The following CDC20B variants were observed in gnomAD, a reference collection of about 807,000 sequenced individuals.
The protein encoded by CDC20B is cell division cycle 20B.
A neutral mutation model predicts 64.1 loss-of-function variants in CDC20B; 58 were observed. The ratio of observed to expected loss-of-function variants is 0.90; its 90% CI spans 0.73 to 1.13. The LOEUF is 1.13. Among genes scored for constraint, CDC20B ranks in the 50% most tolerant of loss-of-function variants. CDC20B has a pLI of 0.00. For synonymous variants in CDC20B, 243 were observed against 230.6 expected (o/e 1.05, Z -0.49); for missense variants, 597 against 633.0 (o/e 0.94, Z 0.61).
intron 2 of CDC20B, chr5:55,167,109 C>G (rs1187653101): frequency 6.6e-6 from 1 of 152,124 alleles, no homozygotes; most frequent in Non-Finnish European, 1.5e-5. Context: ...AGCTGTCGTT[C>G]TTGTGAAAAA....
At chr5:55,146,125 C>T (rs1743466527) in intron 3 of CDC20B, among the ~76,000 whole-genome samples, 1 of 151,906 alleles carries the variant, frequency 6.6e-6, no homozygotes, top group Non-Finnish European at 1.5e-5. Flanking sequence ...AGGATGAGTC[C>T]CTACATCTCA....
At chr5:55,169,861 C>G (rs545956317) in intron 2 of CDC20B, among the ~76,000 whole-genome samples, 9 of 152,290 alleles carry the variant, frequency 5.9e-5, no homozygotes, top group South Asian at 2.1e-4. Context: ...CGCCTGTAAT[C>G]CCAGCACTTT....
intron 2 of CDC20B, among the ~76,000 whole-genome samples, chr5:55,151,108 G>T (rs376078873): frequency 6.6e-5 from 10 of 152,286 alleles, no homozygotes; most frequent in African/African-American, 2.4e-4. Flanking sequence ...CGCAGTACCA[G>T]CTCAGAGGCT....
intron 2 of CDC20B, among the ~76,000 whole-genome samples, chr5:55,155,312 T>C (rs1258148506): frequency 1.3e-5 from 2 of 152,152 alleles, no homozygotes; most frequent in African/African-American, 4.8e-5. Context: ...AACAAATATG[T>C]CTACTGACAA....
chr5:55,115,255 G>A (rs1027482269), intron 11 of CDC20B, among the ~76,000 whole-genome samples: 4 of 152,220 alleles, frequency 2.6e-5, no homozygotes, highest in African/African-American at 4.8e-5. Context: ...GTAGTCCTAT[G>A]AGAGGTTAAT....
chr5:55,138,570 A>C (rs1743246357), intron 5 of CDC20B, among the ~76,000 whole-genome samples: 1 of 152,144 alleles, frequency 6.6e-6, no homozygotes, highest in Non-Finnish European at 1.5e-5. Context: ...GAAAGTTTTC[A>C]CTCTGAGAGA....
chr5:55,133,188 C>T (rs886893888), intron 6 of CDC20B, among the ~76,000 whole-genome samples: 13 of 152,126 alleles, frequency 8.5e-5, no homozygotes, highest in Non-Finnish European at 1.5e-4. Context: ...AATACAGTAA[C>T]ATAAAATGTA....
intron 10 of CDC20B, 121 bp downstream of exon 10, chr5:55,120,304 C>G: frequency 8.8e-7 from 1 of 1,132,446 alleles, no homozygotes; most frequent in Non-Finnish European, 1.3e-6. Flanking sequence ...CTTGAGAACT[C>G]AAATTCCTTA....
chr5:55,123,573 A>G (rs947726094), intron 9 of CDC20B, among the ~76,000 whole-genome samples: 2 of 152,156 alleles, frequency 1.3e-5, no homozygotes, highest in African/African-American at 4.8e-5. Flanking sequence ...GTGACTGTTC[A>G]GTGATTCCCC....
chr5:55,141,461 T>C (rs777385145), intron 4 of CDC20B, among the ~76,000 whole-genome samples: 14 of 152,216 alleles, frequency 9.2e-5, no homozygotes, highest in Non-Finnish European at 8.8e-5. Flanking sequence ...AGTGATGGCC[T>C]TCCCGGTGTT....
At chr5:55,151,822 T>C (rs983329059) in intron 2 of CDC20B, among the ~76,000 whole-genome samples, 28 of 152,116 alleles carry the variant, frequency 1.8e-4, no homozygotes, top group African/African-American at 6.3e-4. Flanking sequence ...GATTCCAAAC[T>C]AGATTAGGCA....
At position 55,128,504 on chromosome 5, in the gene CDC20B, G is replaced by A; in HGVS notation, c.811C>T (p.Leu271Phe). 3 of 1,612,230 alleles carry A rather than the reference G, an allele frequency of 1.9e-6. No homozygotes were observed. The highest frequency in any genetic ancestry group is 2.5e-6 in the Non-Finnish European group (3 of 1,179,608). The stretch of plus-strand genomic sequence containing the variant: ...ACAGAAGAGATATAGTTACAAGTGA[G>A]ACTTAAGTCTATGTTTTCAATCCCA... ...HNGIENIDLS[L>F]TCNYISSVSW... The change falls in exon 7 of 12, where the codon CTC (leucine) becomes TTC (phenylalanine). Residue 271 changes from leucine to phenylalanine, a missense_variant. By Grantham distance (22) the Leu-to-Phe change is conservative (BLOSUM62 0). This residue lies in a region of CDC20B where 353 missense variants were observed against 397.0 expected (regional missense o/e 0.89). Coordinates refer to ENST00000381375, the MANE Select transcript of CDC20B (RefSeq NM_001170402.1).
intron 2 of CDC20B, 183 bp downstream of exon 2, chr5:55,172,405 C>A: frequency 1.8e-6 from 1 of 568,142 alleles, no homozygotes. Flanking sequence ...CAGATGCAAA[C>A]GATTGCATTA....
intron 11 of CDC20B, among the ~76,000 whole-genome samples, chr5:55,119,271 T>G (rs929823511): frequency 1.3e-5 from 2 of 152,120 alleles, no homozygotes; most frequent in Non-Finnish European, 2.9e-5. Context: ...AAAAGAGGAT[T>G]TAAGGCCCAG....
At chr5:55,120,253 T>C (rs1742724221) in intron 10 of CDC20B, among the ~76,000 whole-genome samples, 172 bp downstream of exon 10, 1 of 152,212 alleles carries the variant, frequency 6.6e-6, no homozygotes, top group African/African-American at 2.4e-5. Context: ...ATATTAACTT[T>C]GAACTCACAA....
intron 6 of CDC20B, among the ~76,000 whole-genome samples, chr5:55,132,401 C>T (rs778527401): frequency 8.5e-5 from 13 of 152,264 alleles, no homozygotes; most frequent in Middle Eastern, 6.8e-3. Context: ...CTTTCAACTA[C>T]CAGCATTCGT....
chr5:55,148,232 C>T (rs2111891867), intron 2 of CDC20B, among the ~76,000 whole-genome samples: 1 of 152,270 alleles, frequency 6.6e-6, no homozygotes, highest in Non-Finnish European at 1.5e-5. Flanking sequence ...TTTAAAACAG[C>T]AATGAGATGT....
intron 2 of CDC20B, among the ~76,000 whole-genome samples, chr5:55,169,969 C>G (rs144070234): frequency 0.013 from 2,021 of 152,212 alleles, 42 homozygotes; most frequent in African/African-American, 0.046. Context: ...AAAAAATTAG[C>G]CGGGCATGGT....
intron 5 of CDC20B, chr5:55,136,696 C>T (rs1743182111): frequency 6.6e-6 from 1 of 152,106 alleles, no homozygotes; most frequent in Non-Finnish European, 1.5e-5. Flanking sequence ...GAACTTATTC[C>T]AGAGGGGAAA....
Sources: allele counts gnomAD v4.1 joint callset (sites outside exome capture counted in the v4.1 genomes callset), GRCh38; gene constraint gnomAD v4.1.1; regional missense constraint gnomAD v4.1.1; transcripts MANE v1.5; gene names NCBI Gene and HGNC (gene_info 2026-07-23, HGNC 2026-07-21).